Variants in RHOBTB3 observed in about 807,000 individuals in gnomAD.
RHOBTB3 encodes the protein Rho related BTB domain containing 3.
In RHOBTB3, 47 loss-of-function variants were observed where a neutral mutation model predicts 67.2. That is an observed-to-expected ratio of 0.70 (90% CI 0.55 to 0.89). The LOEUF (loss-of-function observed/expected upper bound fraction) is 0.89. Ranked by LOEUF, RHOBTB3 falls within the 40% of genes least tolerant of loss-of-function variation. The probability of loss-of-function intolerance (pLI) is 0.00; values close to 1 mark genes in which losing one functional copy is unlikely to be tolerated. For synonymous variants in RHOBTB3, 273 were observed against 274.2 expected (o/e 1.00, Z 0.04); for missense variants, 631 against 750.0 (o/e 0.84, Z 1.85).
chr5:95,788,071 G>A (rs896040958), intron 10 of RHOBTB3, among the ~76,000 whole-genome samples: 4 of 152,264 alleles, frequency 2.6e-5, no homozygotes, highest in African/African-American at 9.6e-5. Context: ...ATGTGCCAAA[G>A]TTGCCTGCCA....
chr5:95,735,643 TC>T (rs1167534835), intron 2 of RHOBTB3, among the ~76,000 whole-genome samples: 1 of 152,136 alleles, frequency 6.6e-6, no homozygotes, highest in Non-Finnish European at 1.5e-5. Context: ...CTTTATTACA[TC>T]CTAGAAATGT....
At chr5:95,790,020 T>C (rs1746331982) in intron 11 of RHOBTB3, among the ~76,000 whole-genome samples, 1 of 152,204 alleles carries the variant, frequency 6.6e-6, no homozygotes, top group South Asian at 2.1e-4. Flanking sequence ...CTCTTGTTTT[T>C]ATTCAGCTAC....
intron 9 of RHOBTB3, chr5:95,783,575 AAAAAAAAAAAG>A: frequency 8.8e-6 from 2 of 226,154 alleles, no homozygotes; most frequent in Non-Finnish European, 1.7e-5. Context: ...AAAAAAAAAA[AAAAAAAAAAAG>A]AAGAAGAAGA....
At chr5:95,735,741 G>A (rs868699955) in intron 2 of RHOBTB3, among the ~76,000 whole-genome samples, 1 of 152,188 alleles carries the variant, frequency 6.6e-6, no homozygotes, top group Non-Finnish European at 1.5e-5. Context: ...TGGTAGTGGA[G>A]TTAAGATACC....
At chr5:95,726,602 T>C (rs1755059560), upstream of RHOBTB3, among the ~76,000 whole-genome samples, 1 of 152,234 alleles carries the variant, frequency 6.6e-6, no homozygotes, top group Admixed American at 6.5e-5. Flanking sequence ...GTCAACTTCT[T>C]GGCAAATCTG....
Position 95,719,123 on chromosome 5 carries a change from C to T in RHOBTB3, n.133+1358C>T, listed in dbSNP as rs138835548. ...TAGAGAACATGGACATATCTGGGGT[C>T]GAGAGAAAGACAGAGGCTAGATACT... On this transcript the variant is annotated intron_variant and non_coding_transcript_variant, in intron 1 of 5. Transcript: ENST00000504949. Among the ~76,000 whole-genome samples, 439 of 151,842 alleles carry T rather than the reference C, an allele frequency of 2.9e-3. 2 individuals carry two copies. Among genetic ancestry groups the T allele is most frequent in the African/African-American group, 7.5e-3 (310 of 41,366 alleles).
intron 8 of RHOBTB3, among the ~76,000 whole-genome samples, chr5:95,779,012 T>C (rs769879297): frequency 1.3e-4 from 20 of 152,256 alleles, no homozygotes; most frequent in South Asian, 2.1e-4. Flanking sequence ...TGAGTGATTA[T>C]TGGCTTTGGA....
rs1477966609 is a variant in RHOBTB3 at position 95,768,107 on chromosome 5, C to G, written c.1223C>G (p.Thr408Ser). 6.2e-7 allele frequency: 1 copy of G among 1,612,444 alleles called. No individual in the cohort carries two copies. Among genetic ancestry groups the G allele is most frequent in the Non-Finnish European group, 8.5e-7 (1 of 1,178,590 alleles). Residue 408 changes from threonine to serine, a missense_variant, in exon 8 of 12, where the codon ACT becomes AGT. Coordinates refer to ENST00000379982, the MANE Select transcript of RHOBTB3 (RefSeq NM_014899.4). The stretch of plus-strand genomic sequence containing the variant: ...AGAAAACCTTTGTGGTTTTATAACA[C>G]TTCCCTCAAGTTTTTCCTTAATAAG... ...QARKPLWFYN[T>S]SLKFFLNKPM...
intron 1 of RHOBTB3, among the ~76,000 whole-genome samples, chr5:95,721,368 C>T (rs565638398): frequency 6.6e-6 from 1 of 152,152 alleles, no homozygotes; most frequent in South Asian, 2.1e-4. Flanking sequence ...CTACCCAGGT[C>T]CTAGAACTGG....
At chr5:95,742,585 T>C (rs560050109) in intron 3 of RHOBTB3, among the ~76,000 whole-genome samples, 1 of 152,344 alleles carries the variant, frequency 6.6e-6, no homozygotes, top group Admixed American at 6.5e-5. Context: ...ATATTTCTTA[T>C]TGCTTTATTT....
chr5:95,796,136 A>G lies in RHOBTB3; in HGVS notation c.*2962A>G, dbSNP rs1228022688. On this transcript the variant is annotated 3_prime_UTR_variant, in exon 12 of 12. Transcript: ENST00000379982. ...GATAAATTTGACTTCCAAGACAGCT[A>G]AACTTTTCAACTGCAATTTTAAAAA... 2.0e-5 allele frequency: 3 copies of G among 152,232 alleles called. No individual in the cohort carries two copies. Among genetic ancestry groups the G allele is most frequent in the Admixed American group, 6.5e-5 (1 of 15,284 alleles). 9.4% of individuals were successfully genotyped at this position (152,232 alleles called of 1,614,324 possible).
At chr5:95,727,472 A>G (rs990496667), upstream of RHOBTB3, among the ~76,000 whole-genome samples, 1 of 152,212 alleles carries the variant, frequency 6.6e-6, no homozygotes, top group Admixed American at 6.5e-5. Context: ...ACTTTATGCT[A>G]CATCTTATTT....
intron 4 of RHOBTB3, among the ~76,000 whole-genome samples, chr5:95,750,803 G>T (rs1278528723): frequency 1.3e-5 from 2 of 152,198 alleles, no homozygotes; most frequent in African/African-American, 4.8e-5. Context: ...ATGTCCACTT[G>T]TGTGCACAGA....
rs1232708378 is a variant in RHOBTB3 at position 95,755,382 on chromosome 5, C to G, written c.683-14C>G. ...GAAAGGAGTTTATTATTTTTATTTT[C>G]TTTTTCAAAACAGAAAAAATGCCTG... is the stretch of plus-strand genomic sequence containing the variant. On this transcript the variant is annotated splice_polypyrimidine_tract_variant and intron_variant, in intron 5 of 11. Coordinates refer to ENST00000379982, the MANE Select transcript of RHOBTB3 (RefSeq NM_014899.4). The G allele has an allele frequency of 1.4e-6, 2 of 1,474,780 alleles. No individual in the cohort carries two copies. The highest frequency in any genetic ancestry group is 2.4e-5 in the East Asian group (1 of 42,412). The allele number at this position is 1,474,780 out of a possible 1,614,324, so 91.4% of individuals were successfully genotyped here.
rs774846072 is a variant in RHOBTB3, at chr5:95,767,930, G to A, written c.1162-116G>A. ...AACCTGTGATCAGAGATGTCATAGA[G>A]TAGGGAATCATATTTCTTTTGAGAT... is the stretch of plus-strand genomic sequence containing the variant. On this transcript the variant is annotated intron_variant, in intron 7 of 11. Coordinates refer to ENST00000379982, the MANE Select transcript of RHOBTB3 (RefSeq NM_014899.4). 1.4e-5 allele frequency: 14 copies of A among 974,372 alleles called. No individual in the cohort carries two copies. In the East Asian group the frequency reaches 2.0e-4, roughly 14 times the overall value. 60.4% of individuals were successfully genotyped at this position (974,372 alleles called of 1,614,324 possible). A position where few individuals can be genotyped will look rare whatever the true frequency, so the allele number is the denominator to read the frequency against.
intron 2 of RHOBTB3, among the ~76,000 whole-genome samples, chr5:95,734,022 GA>G (rs1232634840): frequency 6.6e-6 from 1 of 152,188 alleles, no homozygotes; most frequent in African/African-American, 2.4e-5. Flanking sequence ...GCTGTGCTGA[GA>G]AGTGAATGAG....
intron 6 of RHOBTB3, among the ~76,000 whole-genome samples, chr5:95,757,711 AG>A (rs1479974776): frequency 1.3e-5 from 2 of 152,224 alleles, no homozygotes; most frequent in Non-Finnish European, 2.9e-5. Context: ...ATGTGGTGCT[AG>A]GTTAGTGAAA....
At position 95,746,524 on chromosome 5, in the gene RHOBTB3, A is replaced by G. The variant is rs902486374; in HGVS notation, c.416-1809A>G. On this transcript the variant is annotated intron_variant, in intron 3 of 11. Transcript: ENST00000379982. ...AAACTTTATTTGCTCCAAACTTAAAATGATCTTAGAAAAAGTAAAAGTAAA... is the reference window on the plus strand; with the variant it reads ...AAACTTTATTTGCTCCAAACTTAAAGTGATCTTAGAAAAAGTAAAAGTAAA... Among the ~76,000 whole-genome samples, 15 of 152,326 alleles carry G rather than the reference A, an allele frequency of 9.8e-5. No individual in the cohort carries two copies. The East Asian group carries it at 2.5e-3, about 25-fold the overall frequency.
intron 9 of RHOBTB3, among the ~76,000 whole-genome samples, chr5:95,783,214 C>T (rs955399146): frequency 1.5e-4 from 22 of 151,716 alleles, no homozygotes; most frequent in African/African-American, 4.8e-4. Context: ...CTTCGCCTCC[C>T]AGGTTTTAGT....
Sources: allele counts gnomAD v4.1 joint callset (sites outside exome capture counted in the v4.1 genomes callset), GRCh38; gene constraint gnomAD v4.1.1; transcripts MANE v1.5; gene names NCBI Gene and HGNC (gene_info 2026-07-23, HGNC 2026-07-21).